The following CHD5 variants were observed in gnomAD, a reference collection of about 807,000 sequenced individuals.
CHD5 encodes chromodomain helicase DNA binding protein 5.
In CHD5, 69 loss-of-function variants were observed where a neutral mutation model predicts 230.3. The ratio of observed to expected loss-of-function variants is 0.30; its 90% CI spans 0.25 to 0.37. CHD5 has a LOEUF of 0.37. Ranked by LOEUF, CHD5 falls within the 10% of genes least tolerant of loss-of-function variation. The pLI, the probability that CHD5 is intolerant of heterozygous loss-of-function variation, is 1.00. For missense variants in CHD5, 1,827 were observed against 2,622.8 expected, an observed-to-expected ratio of 0.70 and a Z score of 6.63; for synonymous variants, 1,064 against 1,065.9, an observed-to-expected ratio of 1.00 and a Z score of 0.03.
chr1:6,159,884 T>C (rs956472332), intron 2 of CHD5, among the ~76,000 whole-genome samples: 2 of 152,276 alleles, frequency 1.3e-5, no homozygotes, highest in African/African-American at 4.8e-5. Flanking sequence ...TGGGCTTCTA[T>C]GGACTTTGGG....
rs771862129 is a variant in CHD5 at position 6,130,131 on chromosome 1, T to C, written c.3387+73A>G. The C allele has an allele frequency of 1.0e-4, 164 of 1,562,452 alleles. No homozygotes were observed. The highest frequency in any genetic ancestry group is 1.4e-4 in the Non-Finnish European group (157 of 1,139,466). The stretch of plus-strand genomic sequence containing the variant: ...TGAGGGGGTGATGGCAAGAAGGGCA[T>C]GAAGGACAGAACCTGCCTGAGGCCC... On this transcript the variant is annotated intron_variant, in intron 22 of 41. Transcript: ENST00000262450. The surrounding 1 kb of genome is among the most constrained non-coding windows in gnomAD (Gnocchi z 4.9).
chr1:6,164,331 G>C (rs1468004745), intron 2 of CHD5, among the ~76,000 whole-genome samples: 1 of 152,228 alleles, frequency 6.6e-6, no homozygotes, highest in Non-Finnish European at 1.5e-5. Context: ...TCCCATTCAC[G>C]AGTGTTATAA....
At position 6,146,426 on chromosome 1, in the gene CHD5, G is replaced by C; in HGVS notation, c.1591-3C>G. The C allele has an allele frequency of 6.2e-7, 1 of 1,612,244 alleles. No homozygotes were observed. The highest frequency in any genetic ancestry group is 8.5e-7 in the Non-Finnish European group (1 of 1,178,886). On this transcript the variant is annotated splice_region_variant and splice_polypyrimidine_tract_variant and intron_variant, in intron 10 of 41. Transcript: ENST00000262450. This position sits in a 1 kb window ranked among gnomAD's most constrained non-coding sequence, Gnocchi z 5.1. ...ATCACCGTGTGGTACAGCTCCAGCT[G>C]CTCATGGAGCGGCACAAAGTCACAG...
chr1:6,166,596 C>A (rs12134795), intron 2 of CHD5, among the ~76,000 whole-genome samples: 1 of 151,902 alleles, frequency 6.6e-6, no homozygotes, highest in East Asian at 1.9e-4. Flanking sequence ...CAGTCCAGGG[C>A]GGGCTCTGCC....
Position 6,102,190 on chromosome 1 carries a change from GAC to G in CHD5, c.*3282_*3283del, listed in dbSNP as rs549692439. Reference sequence around the variant, plus strand: ...TCCAATCGCTGCTTGAGGAGTTCAGGACACACACACACACCCAACGGGCCCTT... The same window carrying G: ...TCCAATCGCTGCTTGAGGAGTTCAGGACACACACACACCCAACGGGCCCTT... On this transcript the variant is annotated 3_prime_UTR_variant, in exon 42 of 42. Coordinates refer to ENST00000262450, the MANE Select transcript of CHD5 (RefSeq NM_015557.3). 112 of 217,278 alleles carry G rather than the reference GAC, an allele frequency of 5.2e-4. No individual in the cohort carries two copies. The highest frequency in any genetic ancestry group is 1.8e-3 in the Middle Eastern group (1 of 548). 13.5% of individuals were successfully genotyped at this position (217,278 alleles called of 1,614,324 possible).
Position 6,146,096 on chromosome 1 carries a change from A to T in CHD5, c.1802+116T>A. ...CTGCTGTGCCCACATGTGGTTCTGC[A>T]CGGCAGCCCCAAAGCAAGGGCCCTG... On this transcript the variant is annotated intron_variant, in intron 11 of 41. Transcript: ENST00000262450. The surrounding 1 kb of genome is among the most constrained non-coding windows in gnomAD (Gnocchi z 5.1). The T allele has an allele frequency of 1.0e-6, 1 of 994,556 alleles. No individual in the cohort carries two copies. Among genetic ancestry groups the T allele is most frequent in the Non-Finnish European group, 1.5e-6 (1 of 664,782 alleles). 61.6% of individuals were successfully genotyped at this position (994,556 alleles called of 1,614,324 possible).
intron 34 of CHD5, 50 bp from the exon 35 acceptor site, chr1:6,112,327 C>G: frequency 6.3e-7 from 1 of 1,599,920 alleles, no homozygotes; most frequent in South Asian, 1.1e-5. Context: ...AAAAGCAGTG[C>G]CCAGCGGCCT....
chr1:6,111,712 C>A (rs923163706), intron 36 of CHD5, 63 bp downstream of exon 36: 1 of 1,311,274 alleles, frequency 7.6e-7, no homozygotes, highest in African/African-American at 1.4e-5. Context: ...TCTCAGAGGG[C>A]TCTCCCCGAG....
rs982624932 is a variant in CHD5, at chr1:6,134,788, G to A, written c.2942C>T (p.Ser981Leu). 1.2e-6 allele frequency: 2 copies of A among 1,613,962 alleles called. No homozygotes were observed. Among genetic ancestry groups the A allele is most frequent in the Non-Finnish European group, 1.7e-6 (2 of 1,179,930 alleles). ...LNSKGGGNQV[S>L]LLNIMMDLKK... is the part of the protein sequence containing the mutation. ...CAGGTCCATCATGATGTTGAGCAGC[G>A]ATACTTGGTTCCCGCCCCCCTTGGA... The change falls in exon 19 of 42, where the codon TCG becomes TTG. Residue 981 changes from serine (S) to leucine (L), a missense_variant. Physicochemically the swap from Ser to Leu is moderately radical, Grantham distance 145 (BLOSUM62 -2). Coordinates refer to ENST00000262450, the MANE Select transcript of CHD5 (RefSeq NM_015557.3). This position sits in a 1 kb window ranked among gnomAD's most constrained non-coding sequence, Gnocchi z 6.3.
chr1:6,179,867 G>T (rs1571179700), intron 1 of CHD5, 78 bp downstream of exon 1: 1 of 591,020 alleles, frequency 1.7e-6, no homozygotes, highest in Non-Finnish European at 1.9e-6. Flanking sequence ...CGCCCCCGCC[G>T]CCCGCGCTCC....
At position 6,121,131 on chromosome 1, in the gene CHD5, G is replaced by A. The variant is rs370163365; in HGVS notation, c.4886C>T (p.Pro1629Leu). The A allele has an allele frequency of 1.2e-4, 194 of 1,610,508 alleles. No homozygotes were observed. The highest frequency in any genetic ancestry group is 6.0e-4 in the African/African-American group (45 of 74,832). ...EERPEETEKA[P>L]PSPEQLPREE... is the part of the protein sequence containing the mutation. ...TCTCGGCAGCTGCTCCGGGGAGGGC[G>A]GGGCCTTCTCCGTCTCCTCTGGCCG... The change falls in exon 33 of 42, where the codon CCG (proline) becomes CTG (leucine). Residue 1629 changes from proline (P) to leucine (L), a missense_variant. By Grantham distance (98) the Pro-to-Leu change is moderately conservative (BLOSUM62 -3). Transcript: ENST00000262450. This position sits in a 1 kb window ranked among gnomAD's most constrained non-coding sequence, Gnocchi z 4.5.
At position 6,143,809 on chromosome 1, in the gene CHD5, C is replaced by A. The variant is rs1352803280; in HGVS notation, c.2043+14G>T. The A allele has an allele frequency of 6.3e-6, 10 of 1,595,224 alleles. No homozygotes were observed. The highest frequency in any genetic ancestry group is 7.7e-6 in the Non-Finnish European group (9 of 1,166,884). ...GGCAACCCCACCCACTGCTGCCCCA[C>A]CCTCCCCACTCACGTCCACAATGGG... is the stretch of plus-strand genomic sequence containing the variant. On this transcript the variant is annotated intron_variant, in intron 13 of 41. Transcript: ENST00000262450.
At chr1:6,119,349 C>T (rs1385422381) in intron 33 of CHD5, among the ~76,000 whole-genome samples, 4 of 152,116 alleles carry the variant, frequency 2.6e-5, no homozygotes, top group African/African-American at 7.2e-5. Flanking sequence ...CTGCCCACCT[C>T]GGCCTCCCAA....
rs1441818113 is a variant in CHD5, at chr1:6,111,841, G to A, written c.5183C>T (p.Ser1728Phe). Residue 1728 changes from serine to phenylalanine, a missense_variant, in exon 36 of 42, where the codon TCC (serine) becomes TTC (phenylalanine). By Grantham distance (155) the Ser-to-Phe change is radical. Transcript: ENST00000262450. ...LWQNEERAAV[S>F]SGKIYDIWHR... ...CCAGATGTCGTAGATTTTCCCAGAG[G>A]ATACAGCAGCCCGCTCCTCGTTCTG... is the stretch of plus-strand genomic sequence containing the variant. 9.3e-6 allele frequency: 15 copies of A among 1,613,428 alleles called. No homozygotes were observed. The East Asian group carries it at 3.3e-4, about 36-fold the overall frequency.
intron 1 of CHD5, among the ~76,000 whole-genome samples, chr1:6,173,593 G>A (rs186538249): frequency 6.6e-6 from 1 of 152,302 alleles, no homozygotes; most frequent in African/African-American, 2.4e-5. Context: ...GGCCTAATGT[G>A]GCAGCCTTTC....
At chr1:6,132,756 G>C (rs1666677492) in intron 20 of CHD5, among the ~76,000 whole-genome samples, 1 of 152,104 alleles carries the variant, frequency 6.6e-6, no homozygotes, top group African/African-American at 2.4e-5. Context: ...CTATCCAATT[G>C]TTCCTATTTC....
In CHD5 at chr1:6,144,248, A is replaced by T. The variant is rs1004807655; in HGVS notation, c.1803-93T>A. On this transcript the variant is annotated intron_variant, in intron 11 of 41. Coordinates refer to ENST00000262450, the MANE Select transcript of CHD5 (RefSeq NM_015557.3). ...CCTCCCAGGATGCAGAGCCATTCAC[A>T]CCCAGGGTCCCCTCGGATGCTGGGC... 7 of 1,547,806 alleles carry T rather than the reference A, an allele frequency of 4.5e-6. No individual in the cohort carries two copies. In the African/African-American group the frequency reaches 9.5e-5, roughly 21 times the overall value.
Position 6,126,859 on chromosome 1 carries a change from G to A in CHD5, c.3904-113C>T, listed in dbSNP as rs1666567071. ...GCCCCCTCAGGGCTCAAGGATTAAT[G>A]GGATGGCCTGCCTACTCCAGGAAGC... On this transcript the variant is annotated intron_variant, in intron 25 of 41. Coordinates refer to ENST00000262450, the MANE Select transcript of CHD5 (RefSeq NM_015557.3). The surrounding 1 kb of genome is among the most constrained non-coding windows in gnomAD (Gnocchi z 5.7). 1.1e-6 allele frequency: 1 copy of A among 925,274 alleles called. No individual in the cohort carries two copies. The highest frequency in any genetic ancestry group is 2.4e-5 in the Admixed American group (1 of 41,188). The allele number at this position is 925,274 out of a possible 1,614,324, so 57.3% of individuals were successfully genotyped here. A position where few individuals can be genotyped will look rare whatever the true frequency, so the allele number is the denominator to read the frequency against.
intron 6 of CHD5, 21 bp downstream of exon 6, chr1:6,152,379 TGCACACACACGC>T (rs1394535944): frequency 1.3e-6 from 2 of 1,597,746 alleles, no homozygotes; most frequent in African/African-American, 2.7e-5. Flanking sequence ...TGCATGCAAA[TGCACACACACGC>T]GCACACACGC....
Sources: allele counts gnomAD v4.1 joint callset (sites outside exome capture counted in the v4.1 genomes callset), GRCh38; gene constraint gnomAD v4.1.1; non-coding constraint Gnocchi (gnomAD v3.1); transcripts MANE v1.5; gene names NCBI Gene and HGNC (gene_info 2026-07-23, HGNC 2026-07-21).